The following SLC37A1 variants were observed in gnomAD, a reference collection of about 807,000 sequenced individuals.
SLC37A1 encodes solute carrier family 37 member 1.
In SLC37A1, 49 loss-of-function variants were observed where a neutral mutation model predicts 75.3. The observed-to-expected ratio is 0.65, with a 90% CI of 0.52 to 0.83. The LOEUF is 0.83. Ranked by LOEUF, SLC37A1 falls within the 40% of genes least tolerant of loss-of-function variation. SLC37A1 has a pLI of 0.00. For missense variants in SLC37A1, 566 were observed against 695.0 expected (o/e 0.81, Z 2.09); for synonymous variants, 268 against 292.1 (o/e 0.92, Z 0.84).
Position 42,517,088 on chromosome 21 carries a change from C to T in SLC37A1, c.-178-1189C>T, listed in dbSNP as rs77990889. Among the ~76,000 whole-genome samples, 38 of 152,330 alleles carry T rather than the reference C, an allele frequency of 2.5e-4. No homozygotes were observed. In the East Asian group the frequency reaches 5.2e-3, roughly 21 times the overall value. On this transcript the variant is annotated intron_variant, in intron 1 of 19. Transcript: ENST00000352133. Reference sequence around the variant, plus strand: ...GAAGTAGGACCTTGCCCTGCAGTCCCGGGCCTTCCTCTTTTGAATTTACAA... The same window carrying T: ...GAAGTAGGACCTTGCCCTGCAGTCCTGGGCCTTCCTCTTTTGAATTTACAA...
chr21:42,552,520 C>G lies in SLC37A1; in HGVS notation c.769-1542C>G, dbSNP rs2055583012. Reference sequence around the variant, plus strand: ...CATGCCAAAGGTGATATATTCCAACCAATTAGAACAGTGCCAGGCACAGAG... The same window carrying G: ...CATGCCAAAGGTGATATATTCCAACGAATTAGAACAGTGCCAGGCACAGAG... On this transcript the variant is annotated intron_variant, in intron 9 of 19. Transcript: ENST00000352133. The surrounding 1 kb of genome is among the most constrained non-coding windows in gnomAD (Gnocchi z 4.2). 6.6e-6 allele frequency among the ~76,000 whole-genome samples: 1 copy of G among 152,158 alleles called. No homozygotes were observed. Among genetic ancestry groups the G allele is most frequent in the South Asian group, 2.1e-4 (1 of 4,820 alleles).
intron 11 of SLC37A1, chr21:42,561,548 G>A (rs12483424): frequency 0.15 from 23,475 of 158,198 alleles, 2,201 homozygotes; most frequent in Non-Finnish European, 0.21. Context: ...TTCCAGGGAA[G>A]AAGAAGGAGC....
At chr21:42,575,794 A>G (rs985275425) in intron 18 of SLC37A1, 12 of 985,284 alleles carry the variant, frequency 1.2e-5, no homozygotes, top group Non-Finnish European at 1.3e-5. Flanking sequence ...CTTCCCCACC[A>G]CATACAAAAT....
At chr21:42,571,637 C>T (rs989868079) in intron 17 of SLC37A1, among the ~76,000 whole-genome samples, 1 of 152,108 alleles carries the variant, frequency 6.6e-6, no homozygotes, top group African/African-American at 2.4e-5. Context: ...CAGCTGTGCT[C>T]CTCTTACGGA....
chr21:42,568,416 C>G lies in SLC37A1; in HGVS notation c.1401C>G (p.Ile467Met), dbSNP rs779592693. 10 of 1,614,014 alleles carry G rather than the reference C, an allele frequency of 6.2e-6. No individual in the cohort carries two copies. Among genetic ancestry groups the G allele is most frequent in the South Asian group, 2.2e-5 (2 of 91,056 alleles). ...ACGCCCTCTCCACCGTGACGGCCAT[C>G]ATTGACGGGACGGGCTCTGTAGGTG... ...NAHALSTVTA[I>M]IDGTGSVGAA... The change falls in exon 17 of 20, where the codon ATC becomes ATG. Residue 467 changes from isoleucine to methionine, a missense_variant. Transcript: ENST00000352133.
At chr21:42,522,791 C>G (rs187379370) in intron 2 of SLC37A1, among the ~76,000 whole-genome samples, 6 of 152,346 alleles carry the variant, frequency 3.9e-5, no homozygotes, top group African/African-American at 1.4e-4. Context: ...CCCAAAGGGT[C>G]TCATTCATTA....
chr21:42,557,784 C>CTT (rs66963176), intron 10 of SLC37A1, among the ~76,000 whole-genome samples: 20,548 of 148,886 alleles, frequency 0.14, 1,973 homozygotes, highest in African/African-American at 0.27. Flanking sequence ...TTACCATTTT[C>CTT]TTTTTTTTTT....
At chr21:42,515,058 A>T (rs1202713098) in intron 1 of SLC37A1, 1 of 152,174 alleles carries the variant, frequency 6.6e-6, no homozygotes, top group Non-Finnish European at 1.5e-5. Flanking sequence ...CTGCATTTAC[A>T]CGTTCTGTTT....
At chr21:42,526,730 T>G (rs771883433) in intron 3 of SLC37A1, among the ~76,000 whole-genome samples, 7 of 152,330 alleles carry the variant, frequency 4.6e-5, no homozygotes, top group Non-Finnish European at 8.8e-5. Context: ...TAAACATTCA[T>G]TTACCCAAAA....
intron 2 of SLC37A1, among the ~76,000 whole-genome samples, chr21:42,520,638 T>C (rs1207018542): frequency 2.6e-5 from 4 of 151,962 alleles, no homozygotes; most frequent in Non-Finnish European, 4.4e-5. Flanking sequence ...GAGAAGGGTG[T>C]GTGTGTGCGT....
At chr21:42,503,396 C>T (rs890935948) in intron 2 of SLC37A1, among the ~76,000 whole-genome samples, 1 of 151,622 alleles carries the variant, frequency 6.6e-6, no homozygotes, top group Non-Finnish European at 1.5e-5. Flanking sequence ...AATACAGGTG[C>T]CTACCACCAC....
chr21:42,513,128 G>C (rs2054456015), upstream of SLC37A1, among the ~76,000 whole-genome samples: 1 of 152,188 alleles, frequency 6.6e-6, no homozygotes, highest in Non-Finnish European at 1.5e-5. Context: ...AAGCCATCCT[G>C]GGGGTCCACT....
chr21:42,566,208 T>G (rs2055973308), intron 15 of SLC37A1, among the ~76,000 whole-genome samples: 1 of 152,212 alleles, frequency 6.6e-6, no homozygotes, highest in African/African-American at 2.4e-5. Flanking sequence ...CTGGCGGGGC[T>G]GCAGCAGCCT....
intron 12 of SLC37A1, among the ~76,000 whole-genome samples, chr21:42,562,791 T>C (rs1467752431): frequency 5.6e-4 from 45 of 79,652 alleles, no homozygotes; most frequent in African/African-American, 1.8e-3. Flanking sequence ...GCGGGGATGG[T>C]CCAGGAGCAC....
Position 42,548,530 on chromosome 21 carries a change from G to A in SLC37A1, c.768+1390G>A, listed in dbSNP as rs1485360255. 6.6e-6 allele frequency among the ~76,000 whole-genome samples: 1 copy of A among 152,080 alleles called. No homozygotes were observed. The highest frequency in any genetic ancestry group is 1.5e-5 in the Non-Finnish European group (1 of 68,010). On this transcript the variant is annotated intron_variant, in intron 9 of 19. Coordinates refer to ENST00000352133, the MANE Select transcript of SLC37A1 (RefSeq NM_001320537.2). The surrounding 1 kb of genome is among the most constrained non-coding windows in gnomAD (Gnocchi z 5.6). ...GTTCTGCTCTGTTCTGTGAGGGGAT[G>A]TGGAATGGAAACCCTCTCACCTCCT...
chr21:42,564,556 T>C, intron 13 of SLC37A1, 152 bp from the exon 14 acceptor site: 1 of 633,226 alleles, frequency 1.6e-6, no homozygotes, highest in East Asian at 2.7e-5. Context: ...TGTGGGGAGG[T>C]CAGGGCTGTG....
intron 8 of SLC37A1, among the ~76,000 whole-genome samples, chr21:42,544,815 G>A (rs1210774467): frequency 6.6e-6 from 1 of 152,206 alleles, no homozygotes; most frequent in Non-Finnish European, 1.5e-5. Flanking sequence ...AGAACCTGGA[G>A]TTCTGTGCCC....
At chr21:42,573,197 A>G (rs1284527370) in intron 17 of SLC37A1, among the ~76,000 whole-genome samples, 1 of 152,128 alleles carries the variant, frequency 6.6e-6, no homozygotes, top group Non-Finnish European at 1.5e-5. Context: ...TCTCTTTATC[A>G]GTGAGGATGA....
chr21:42,535,696 G>A (rs985121780), intron 5 of SLC37A1, 146 bp downstream of exon 5: 13 of 701,430 alleles, frequency 1.9e-5, no homozygotes, highest in Non-Finnish European at 2.8e-5. Flanking sequence ...TCCCAAAGAC[G>A]AGGCCAAGCT....
Sources: gnomAD v4.1 joint callset for allele counts (sites outside exome capture counted in the v4.1 genomes callset) on GRCh38, gnomAD v4.1.1 for gene constraint, Gnocchi (gnomAD v3.1) non-coding constraint, MANE v1.5 for transcripts, NCBI Gene and HGNC (gene_info 2026-07-23, HGNC 2026-07-21) for gene names.